Variants in CNTN3 observed in about 807,000 individuals in gnomAD.
CNTN3 encodes the protein contactin-3.
In CNTN3, 60 loss-of-function variants were observed where a neutral mutation model predicts 119.1. The ratio of observed to expected loss-of-function variants is 0.50; its 90% CI spans 0.41 to 0.62. CNTN3 has a LOEUF of 0.62. CNTN3 is among the 20% of genes least tolerant of loss of function. The pLI, the probability that CNTN3 is intolerant of heterozygous loss-of-function variation, is 0.00. For synonymous variants in CNTN3, 450 were observed against 438.7 expected (o/e 1.03, Z -0.32); for missense variants, 1,101 against 1,242.4 (o/e 0.89, Z 1.71).
intron 1 of CNTN3, among the ~76,000 whole-genome samples, chr3:74,559,730 C>T (rs1704125999): frequency 6.6e-6 from 1 of 152,070 alleles, no homozygotes; most frequent in African/African-American, 2.4e-5. Flanking sequence ...TGCAGCCATC[C>T]TATTTTATTT....
intron 5 of CNTN3, among the ~76,000 whole-genome samples, chr3:74,371,605 T>C (rs1704340629): frequency 6.6e-6 from 1 of 152,120 alleles, no homozygotes. Flanking sequence ...AGCATCCTGG[T>C]GGGAGCAATA....
intron 8 of CNTN3, among the ~76,000 whole-genome samples, chr3:74,367,291 A>G (rs185555929): frequency 2.7e-4 from 41 of 152,232 alleles, no homozygotes; most frequent in Non-Finnish European, 2.6e-4. Context: ...GACTAAAGCA[A>G]TAGTCTACCT....
At chr3:74,352,889 C>T (rs1202105455) in intron 11 of CNTN3, among the ~76,000 whole-genome samples, 6 of 152,172 alleles carry the variant, frequency 3.9e-5, no homozygotes, top group Admixed American at 3.9e-4. Context: ...ACTGAGCTTG[C>T]ACGCCTACCT....
In CNTN3 at chr3:74,295,164, G is replaced by C; in HGVS notation, c.2474C>G (p.Thr825Ser). 5 of 1,613,366 alleles carry C rather than the reference G, an allele frequency of 3.1e-6. No homozygotes were observed. The highest frequency in any genetic ancestry group is 1.7e-5 in the Admixed American group (1 of 60,002). Residue 825 changes from threonine to serine, a missense_variant, in exon 19 of 23, where the codon ACC becomes AGC. Transcript: ENST00000263665. ...TCCATTGCTCAACTTCCAAGGAATG[G>C]TGTTCCATGAAACCTCAATTTCTGA... Reference protein sequence around the residue: ...SSSEIEVSWNTIPWKLSNGHL... With the variant: ...SSSEIEVSWNSIPWKLSNGHL...
intron 1 of CNTN3, among the ~76,000 whole-genome samples, chr3:74,551,146 C>T (rs1490599241): frequency 6.6e-6 from 1 of 152,158 alleles, no homozygotes; most frequent in African/African-American, 2.4e-5. Context: ...CTGTTCGAGC[C>T]TTAGCTAACG....
chr3:74,430,645 G>A (rs1441544352), intron 4 of CNTN3, among the ~76,000 whole-genome samples: 1 of 152,018 alleles, frequency 6.6e-6, no homozygotes, highest in East Asian at 1.9e-4. Flanking sequence ...AGTGGAGGGA[G>A]ATAGGGGAGT....
At chr3:74,295,047 T>C in intron 19 of CNTN3, 74 bp downstream of exon 19, 2 of 1,014,856 alleles carry the variant, frequency 2.0e-6, no homozygotes, top group East Asian at 2.4e-5. Context: ...GAGGTCATTG[T>C]TAAGGGTTTT....
intron 1 of CNTN3, among the ~76,000 whole-genome samples, chr3:74,564,076 C>T (rs553444214): frequency 1.8e-4 from 28 of 152,156 alleles, no homozygotes; most frequent in Middle Eastern, 6.8e-3. Flanking sequence ...ATAAAAAATG[C>T]GATGAAATAT....
intron 13 of CNTN3, among the ~76,000 whole-genome samples, chr3:74,315,630 C>T (rs966442426): frequency 6.6e-6 from 1 of 152,118 alleles, no homozygotes; most frequent in African/African-American, 2.4e-5. Flanking sequence ...AAATCAATAA[C>T]AGTAGCTAGA....
Position 74,301,644 on chromosome 3 carries a change from T to C in CNTN3, c.1945+3A>G. On this transcript the variant is annotated splice_donor_region_variant and intron_variant, in intron 15 of 22. Coordinates refer to ENST00000263665, the MANE Select transcript of CNTN3 (RefSeq NM_020872.3). ...CAGATGACATCTGCCTCTCCTGCTT[T>C]ACCTGTTGTGACGGTTTGCCAACCC... The C allele has an allele frequency of 3.7e-6, 6 of 1,614,014 alleles. No homozygotes were observed. Among genetic ancestry groups the C allele is most frequent in the Non-Finnish European group, 5.1e-6 (6 of 1,179,936 alleles).
In CNTN3 at chr3:74,432,299, A is replaced by G. The variant is rs1043263982; in HGVS notation, c.359-7359T>C. 3.9e-5 allele frequency among the ~76,000 whole-genome samples: 6 copies of G among 151,974 alleles called. No homozygotes were observed. In the South Asian group the frequency reaches 1.0e-3, roughly 26 times the overall value. ...CCTTACTGTAAGTCAGGCTTGTCCA[A>G]TCTTTTGGCTTCCCTAGGCCACATT... On this transcript the variant is annotated intron_variant, in intron 4 of 22. Coordinates refer to ENST00000263665, the MANE Select transcript of CNTN3 (RefSeq NM_020872.3).
intron 1 of CNTN3, among the ~76,000 whole-genome samples, chr3:74,564,352 G>C (rs1325740931): frequency 6.6e-6 from 1 of 152,066 alleles, no homozygotes; most frequent in Non-Finnish European, 1.5e-5. Flanking sequence ...ACAGAATGAT[G>C]AGTGATGAGA....
chr3:74,285,805 A>G (rs1484797749), intron 19 of CNTN3, among the ~76,000 whole-genome samples: 1 of 93,780 alleles, frequency 1.1e-5, no homozygotes, highest in Admixed American at 9.5e-5. Flanking sequence ...ATATATATAT[A>G]TATATATATA....
In CNTN3 at chr3:74,499,662, T is replaced by C; in HGVS notation, c.179A>G (p.Tyr60Cys). The change falls in exon 3 of 23, where the codon TAC becomes TGC. Residue 60 changes from tyrosine (Y) to cysteine (C), a missense_variant. By Grantham distance (194) the Tyr-to-Cys change is radical (BLOSUM62 -2). Coordinates refer to ENST00000263665, the MANE Select transcript of CNTN3 (RefSeq NM_020872.3). ...CEARGNPSPH[Y>C]RWQLNGSDID... ...ATTTTCAAACTTTTCACTGTACCTG[T>C]AATGAGGTGATGGATTGCCTCTTGC... 6.2e-7 allele frequency: 1 copy of C among 1,608,816 alleles called. No homozygotes were observed. Among genetic ancestry groups the C allele is most frequent in the Non-Finnish European group, 8.5e-7 (1 of 1,177,582 alleles).
intron 11 of CNTN3, among the ~76,000 whole-genome samples, chr3:74,357,337 G>A (rs755173810): frequency 2.7e-4 from 41 of 152,070 alleles, no homozygotes; most frequent in Non-Finnish European, 2.2e-4. Flanking sequence ...AGGCTGGAGT[G>A]CAGTGGTGCA....
chr3:74,364,202 G>T (rs945574892), intron 10 of CNTN3, among the ~76,000 whole-genome samples: 1 of 152,076 alleles, frequency 6.6e-6, no homozygotes, highest in Non-Finnish European at 1.5e-5. Flanking sequence ...TAATATTGGA[G>T]GTGGATAAGG....
chr3:74,441,440 A>C (rs763380194), intron 4 of CNTN3, among the ~76,000 whole-genome samples: 1 of 152,180 alleles, frequency 6.6e-6, no homozygotes, highest in Non-Finnish European at 1.5e-5. Context: ...TGAGATCCAG[A>C]ATAAGCCAAC....
chr3:74,312,346 C>T (rs1007063027), intron 13 of CNTN3, among the ~76,000 whole-genome samples: 2 of 148,746 alleles, frequency 1.3e-5, no homozygotes, highest in Admixed American at 6.8e-5. Flanking sequence ...GTCCCAGCTA[C>T]TCGGGAGGCT....
At chr3:74,514,513 A>C (rs1703419899) in intron 2 of CNTN3, among the ~76,000 whole-genome samples, 1 of 152,084 alleles carries the variant, frequency 6.6e-6, no homozygotes. Flanking sequence ...CACAGTTGGC[A>C]AATAACTTCT....
Sources: allele counts gnomAD v4.1 joint callset (sites outside exome capture counted in the v4.1 genomes callset), GRCh38; gene constraint gnomAD v4.1.1; transcripts MANE v1.5; gene names NCBI Gene and HGNC (gene_info 2026-07-23, HGNC 2026-07-21).